Variants in DCAF8 observed in about 807,000 individuals in gnomAD.
DCAF8 encodes the protein DDB1 and CUL4 associated factor 8, also known as DDB1- and CUL4-associated factor 8.
In DCAF8, 20 loss-of-function variants were observed where a neutral mutation model predicts 68.0. The ratio of observed to expected loss-of-function variants is 0.29; its 90% CI spans 0.21 to 0.43. The LOEUF is 0.43. Among genes scored for constraint, DCAF8 ranks in the 20% least tolerant of loss-of-function variants. The probability of loss-of-function intolerance (pLI) is 1.00; values close to 1 mark genes in which losing one functional copy is unlikely to be tolerated. For missense variants in DCAF8, 460 were observed against 771.0 expected, an observed-to-expected ratio of 0.60 and a Z score of 4.78; for synonymous variants, 230 against 276.9, an observed-to-expected ratio of 0.83 and a Z score of 1.68.
intron 3 of DCAF8, among the ~76,000 whole-genome samples, chr1:160,242,935 T>C (rs1001223300): frequency 3.9e-5 from 6 of 152,134 alleles, no homozygotes; most frequent in Non-Finnish European, 8.8e-5. Context: ...CAGTGAAAAA[T>C]ATGAACCACT....
At chr1:160,239,655 A>T (rs772989029) in intron 4 of DCAF8, 42 bp downstream of exon 4, 1 of 1,614,196 alleles carries the variant, frequency 6.2e-7, no homozygotes, top group Non-Finnish European at 8.5e-7. Context: ...TCTCTAACTC[A>T]TGCCTGATTC....
chr1:160,231,992 A>C (rs903809976), intron 6 of DCAF8, among the ~76,000 whole-genome samples: 2 of 152,038 alleles, frequency 1.3e-5, no homozygotes, highest in African/African-American at 4.8e-5. Context: ...GGAATTTGAG[A>C]CCAGCCTGGC....
chr1:160,244,635 T>G (rs1656248303), intron 2 of DCAF8, among the ~76,000 whole-genome samples: 1 of 151,734 alleles, frequency 6.6e-6, no homozygotes, highest in African/African-American at 2.4e-5. Context: ...TTTTTTTTTT[T>G]GAGACAGAGT....
At chr1:160,240,421 G>A in intron 3 of DCAF8, 51 bp from the exon 4 acceptor site, 2 of 1,502,664 alleles carry the variant, frequency 1.3e-6, no homozygotes, top group East Asian at 2.3e-5. Flanking sequence ...AAGAAAACAG[G>A]ATAGTGACCA....
chr1:160,239,179 G>C (rs1203919151), intron 4 of DCAF8: 1 of 1,069,282 alleles, frequency 9.4e-7, no homozygotes, highest in Non-Finnish European at 1.1e-6. Flanking sequence ...ACAGTAGATG[G>C]GGCCAAGGAG....
chr1:160,261,199 A>G (rs1377591230), intron 2 of DCAF8, 86 bp downstream of exon 2: 1 of 152,206 alleles, frequency 6.6e-6, no homozygotes, highest in African/African-American at 2.4e-5. Context: ...ACTGGTAGGA[A>G]TTTTATGACT....
chr1:160,225,569 A>G (rs779218449), intron 8 of DCAF8, 22 bp downstream of exon 8: 2 of 1,600,368 alleles, frequency 1.2e-6, no homozygotes, highest in South Asian at 2.2e-5. Context: ...GCCTGCAGCA[A>G]CTGGCCCTTC....
At chr1:160,257,071 C>T (rs553944216) in intron 2 of DCAF8, among the ~76,000 whole-genome samples, 74 of 152,308 alleles carry the variant, frequency 4.9e-4, no homozygotes, top group Admixed American at 3.3e-4. Flanking sequence ...TGTTTCTTGG[C>T]TACATTTGTA....
rs1157528637 is a variant in DCAF8 at position 160,242,758 on chromosome 1, A to C, written c.49+1202T>G. 3.9e-5 allele frequency among the ~76,000 whole-genome samples: 6 copies of C among 152,340 alleles called. No individual in the cohort carries two copies. In the East Asian group the frequency reaches 1.2e-3, roughly 29 times the overall value. ...CAAAAGCAACTCATAGACACTACAT[A>C]AACGAACAGGCATGACTGTATTCCA... On this transcript the variant is annotated intron_variant, in intron 3 of 13. Transcript: ENST00000368074.
intron 5 of DCAF8, 85 bp from the exon 6 acceptor site, chr1:160,237,314 C>G (rs1480078902): frequency 2.1e-6 from 2 of 932,106 alleles, no homozygotes; most frequent in Admixed American, 2.9e-5. Flanking sequence ...TTGGGAAGGG[C>G]TGCACTTAAA....
At chr1:160,240,578 A>T (rs1656072202) in intron 3 of DCAF8, among the ~76,000 whole-genome samples, 1 of 152,234 alleles carries the variant, frequency 6.6e-6, no homozygotes, top group Non-Finnish European at 1.5e-5. Context: ...AAATCCACAC[A>T]CATAAAATAC....
At chr1:160,222,958 C>T (rs546466043) in intron 10 of DCAF8, among the ~76,000 whole-genome samples, 177 bp from the exon 11 acceptor site, 1 of 152,338 alleles carries the variant, frequency 6.6e-6, no homozygotes, top group African/African-American at 2.4e-5. Context: ...TCCCAAAGAG[C>T]TCGCTCCTTA....
chr1:160,252,803 TAAG>T (rs1444424291), intron 2 of DCAF8, among the ~76,000 whole-genome samples: 1 of 152,200 alleles, frequency 6.6e-6, no homozygotes. Context: ...AAAGCTGAGT[TAAG>T]AAGGACAAGT....
chr1:160,218,810 T>C (rs1250346424), intron 12 of DCAF8, 39 bp downstream of exon 12: 1 of 1,612,756 alleles, frequency 6.2e-7, no homozygotes, highest in South Asian at 1.1e-5. Context: ...AGTATGTGGA[T>C]AAGCAGAAAG....
intron 1 of DCAF8, chr1:160,262,212 T>C (rs1165384357): frequency 2.5e-6 from 1 of 396,088 alleles, no homozygotes; most frequent in Admixed American, 4.4e-5. Flanking sequence ...GTCAGGCCCA[T>C]CCTTAGGGGA....
intron 6 of DCAF8, 98 bp from the exon 7 acceptor site, chr1:160,231,505 C>A: frequency 1.3e-6 from 1 of 767,948 alleles, no homozygotes; most frequent in Non-Finnish European, 2.2e-6. Flanking sequence ...AATAAGAAAC[C>A]AAAGAGATTC....
chr1:160,260,085 C>CAA (rs59002926), intron 2 of DCAF8, among the ~76,000 whole-genome samples: 5 of 133,086 alleles, frequency 3.8e-5, no homozygotes, highest in East Asian at 2.2e-4. Context: ...CAATGATGTG[C>CAA]AAAAAAAAAA....
intron 3 of DCAF8, among the ~76,000 whole-genome samples, chr1:160,242,106 G>A (rs962169823): frequency 2.6e-5 from 4 of 152,146 alleles, no homozygotes; most frequent in South Asian, 2.1e-4. Context: ...TTAGCCGGGC[G>A]TGGTGGCATG....
At chr1:160,241,957 T>A (rs1375313861) in intron 3 of DCAF8, among the ~76,000 whole-genome samples, 2 of 152,182 alleles carry the variant, frequency 1.3e-5, no homozygotes, top group Non-Finnish European at 2.9e-5. Context: ...AAACAGTTCT[T>A]GCAGGCTGGG....
Sources: gnomAD v4.1 joint callset for allele counts (sites outside exome capture counted in the v4.1 genomes callset) on GRCh38, gnomAD v4.1.1 for gene constraint, MANE v1.5 for transcripts, NCBI Gene and HGNC (gene_info 2026-07-23, HGNC 2026-07-21) for gene names.